The following ARHGEF3 variants were observed in gnomAD, a reference collection of about 807,000 sequenced individuals.
ARHGEF3 encodes the protein Rho guanine nucleotide exchange factor 3, also known as 59.8 kDA protein.
ARHGEF3 carries 28 observed loss-of-function variants against 63.2 expected under a neutral mutation model. The observed-to-expected ratio is 0.44, with a 90% CI of 0.33 to 0.61. The LOEUF is 0.61. Among genes scored for constraint, ARHGEF3 ranks in the 20% least tolerant of loss-of-function variants. ARHGEF3 has a pLI of 0.03. For synonymous variants in ARHGEF3, 266 were observed against 254.2 expected, an observed-to-expected ratio of 1.05 and a Z score of -0.44; for missense variants, 533 against 659.3, an observed-to-expected ratio of 0.81 and a Z score of 2.10.
chr3:57,029,016 C>CACACACACACACACA (rs1579123404), intron 2 of ARHGEF3, among the ~76,000 whole-genome samples: 1 of 150,794 alleles, frequency 6.6e-6, no homozygotes, highest in Non-Finnish European at 1.5e-5. Flanking sequence ...CACACACACA[C>CACACACACACACACA]CTCCCAAAAT....
intron 3 of ARHGEF3, among the ~76,000 whole-genome samples, chr3:56,920,732 T>A (rs2042104541): frequency 6.6e-6 from 1 of 151,664 alleles, no homozygotes; most frequent in Non-Finnish European, 1.5e-5. Flanking sequence ...TTCCACAAAC[T>A]GAATTTAAAA....
At position 56,891,412 on chromosome 3, in the gene ARHGEF3, CT is replaced by C. The variant is rs1337239044; in HGVS notation, c.130-9059del. On this transcript the variant is annotated intron_variant, in intron 3 of 12. Transcript: ENST00000338458. The stretch of plus-strand genomic sequence containing the variant: ...TTTCTAGGATCCAGGAACCCCAGTC[CT>C]TTTTTCTAGGCTGTCTTCAGTGTGC... Among the ~76,000 whole-genome samples, 6 of 151,162 alleles carry C rather than the reference CT, an allele frequency of 4.0e-5. 1 individual carries two copies. In the South Asian group the frequency reaches 6.3e-4, roughly 16 times the overall value.
chr3:56,963,189 T>A (rs765904741), intron 2 of ARHGEF3, among the ~76,000 whole-genome samples: 4 of 152,082 alleles, frequency 2.6e-5, no homozygotes, highest in African/African-American at 4.8e-5. Flanking sequence ...TTCACAAAAT[T>A]GAAGGAATAA....
chr3:56,739,051 C>T (rs531024754), intron 7 of ARHGEF3, among the ~76,000 whole-genome samples: 4 of 152,170 alleles, frequency 2.6e-5, no homozygotes, highest in South Asian at 2.1e-4. Context: ...GCCGAGATCA[C>T]GCCACCGCAC....
At chr3:57,010,268 C>A (rs909610578) in intron 2 of ARHGEF3, among the ~76,000 whole-genome samples, 2 of 152,096 alleles carry the variant, frequency 1.3e-5, no homozygotes, top group Non-Finnish European at 2.9e-5. Context: ...TCCTGGCTAA[C>A]ATGGTGAAAC....
chr3:56,789,496 G>A (rs2036979334), intron 1 of ARHGEF3, among the ~76,000 whole-genome samples: 1 of 152,156 alleles, frequency 6.6e-6, no homozygotes, highest in South Asian at 2.1e-4. Flanking sequence ...ACACATTAAA[G>A]CCAATTTTTA....
intron 4 of ARHGEF3, among the ~76,000 whole-genome samples, chr3:56,841,146 G>A (rs867366106): frequency 2.0e-5 from 3 of 152,168 alleles, no homozygotes; most frequent in Non-Finnish European, 2.9e-5. Context: ...ACGGAATGAC[G>A]AATTATTGAG....
At chr3:56,895,589 G>A (rs1166754247) in intron 3 of ARHGEF3, among the ~76,000 whole-genome samples, 3 of 151,788 alleles carry the variant, frequency 2.0e-5, no homozygotes, top group Non-Finnish European at 2.9e-5. Flanking sequence ...TCAGCCTCCC[G>A]AGCAGGTGGG....
At chr3:56,928,088 T>C (rs992445341) in intron 3 of ARHGEF3, among the ~76,000 whole-genome samples, 3 of 151,992 alleles carry the variant, frequency 2.0e-5, no homozygotes, top group Non-Finnish European at 4.4e-5. Context: ...GCACCAAAGC[T>C]CTTCAGAGCA....
intron 2 of ARHGEF3, among the ~76,000 whole-genome samples, chr3:56,988,645 T>G (rs900012379): frequency 1.3e-5 from 2 of 152,202 alleles, no homozygotes; most frequent in African/African-American, 2.4e-5. Flanking sequence ...TGTTCCCTAC[T>G]AGGACTGGCC....
intron 8 of ARHGEF3, among the ~76,000 whole-genome samples, chr3:56,733,984 CAAA>C (rs777924213): frequency 0.011 from 610 of 55,070 alleles, 2 homozygotes; most frequent in African/African-American, 0.038. Flanking sequence ...AATTCTGTCT[CAAA>C]AAAAAAAAAA....
At chr3:56,875,384 G>A (rs1464319536) in intron 4 of ARHGEF3, among the ~76,000 whole-genome samples, 1 of 152,150 alleles carries the variant, frequency 6.6e-6, no homozygotes, top group East Asian at 1.9e-4. Flanking sequence ...AAACACCCAT[G>A]TAAGTAACTC....
At chr3:56,790,469 C>CCCAGACAT (rs1475630879) in intron 1 of ARHGEF3, among the ~76,000 whole-genome samples, 1 of 152,172 alleles carries the variant, frequency 6.6e-6, no homozygotes, top group Non-Finnish European at 1.5e-5. Flanking sequence ...CAAGATCACA[C>CCCAGACAT]CCAGACATCC....
intron 1 of ARHGEF3, chr3:57,076,891 A>G (rs1264773289): frequency 6.6e-6 from 1 of 152,194 alleles, no homozygotes; most frequent in Non-Finnish European, 1.5e-5. Context: ...CACACAATAA[A>G]CCTATAAATC....
chr3:56,999,962 T>C (rs1011883395), intron 2 of ARHGEF3, among the ~76,000 whole-genome samples: 2 of 152,188 alleles, frequency 1.3e-5, no homozygotes, highest in African/African-American at 4.8e-5. Flanking sequence ...CTCCATATGC[T>C]TGAACCCTGA....
chr3:57,074,122 G>A (rs1287572686), intron 1 of ARHGEF3: 1 of 1,613,568 alleles, frequency 6.2e-7, no homozygotes, highest in East Asian at 2.2e-5. Flanking sequence ...ACCACAGGAT[G>A]GTTGTGGAGA....
At chr3:56,969,186 G>A (rs1041574663) in intron 2 of ARHGEF3, among the ~76,000 whole-genome samples, 1 of 152,080 alleles carries the variant, frequency 6.6e-6, no homozygotes, top group Non-Finnish European at 1.5e-5. Flanking sequence ...CCCCTAAATA[G>A]GTAATATCCC....
intron 4 of ARHGEF3, among the ~76,000 whole-genome samples, chr3:56,877,868 A>G (rs1369738009): frequency 2.6e-5 from 4 of 152,150 alleles, no homozygotes; most frequent in Admixed American, 2.0e-4. Flanking sequence ...TTGCATTGGT[A>G]GCTACATGGG....
intron 8 of ARHGEF3, 56 bp downstream of exon 8, chr3:56,737,129 A>T: frequency 1.3e-6 from 2 of 1,482,104 alleles, no homozygotes; most frequent in South Asian, 2.7e-5. Context: ...CTCCACACCA[A>T]ATGAATTAGG....
Sources: allele counts gnomAD v4.1 joint callset (sites outside exome capture counted in the v4.1 genomes callset), GRCh38; gene constraint gnomAD v4.1.1; transcripts MANE v1.5; gene names NCBI Gene and HGNC (gene_info 2026-07-23, HGNC 2026-07-21).